Variants in ADGRL3 observed in about 807,000 individuals in gnomAD.
ADGRL3 encodes the protein calcium-independent alpha-latrotoxin receptor 3.
In ADGRL3, 62 loss-of-function variants were observed where a neutral mutation model predicts 153.5. The observed-to-expected ratio is 0.40, with a 90% confidence interval of 0.33 to 0.50. The LOEUF (loss-of-function observed/expected upper bound fraction) is 0.50. ADGRL3 is among the 20% of genes least tolerant of loss of function. ADGRL3 has a pLI of 0.47. For missense variants in ADGRL3, 1,641 were observed against 1,859.4 expected, an observed-to-expected ratio of 0.88 and a Z score of 2.16; for synonymous variants, 710 against 672.5, an observed-to-expected ratio of 1.06 and a Z score of -0.86.
At chr4:61,935,777 A>G in intron 14 of ADGRL3, 146 bp from the exon 15 acceptor site, 1 of 743,816 alleles carries the variant, frequency 1.3e-6, no homozygotes, top group Admixed American at 3.6e-5. Flanking sequence ...TACTAACAAT[A>G]TATTTTCTTA....
At chr4:61,294,272 A>G (rs902496730) in intron 1 of ADGRL3, among the ~76,000 whole-genome samples, 3 of 152,244 alleles carry the variant, frequency 2.0e-5, no homozygotes, top group Admixed American at 6.5e-5. Flanking sequence ...CCATAGCACA[A>G]TTCCGTTTTT....
At chr4:61,216,307 T>C (rs1387366509) in intron 1 of ADGRL3, among the ~76,000 whole-genome samples, 1 of 152,158 alleles carries the variant, frequency 6.6e-6, no homozygotes. Flanking sequence ...TTATTAAGGA[T>C]AGTAATACGT....
intron 9 of ADGRL3, among the ~76,000 whole-genome samples, chr4:61,818,518 G>A (rs1210300988): frequency 6.6e-6 from 1 of 152,208 alleles, no homozygotes; most frequent in East Asian, 1.9e-4. Context: ...AAACAGGGCT[G>A]AAGGGGGATG....
At chr4:62,028,189 A>G (rs1261977217) in intron 21 of ADGRL3, among the ~76,000 whole-genome samples, 1 of 151,906 alleles carries the variant, frequency 6.6e-6, no homozygotes. Context: ...ATTGAGTATT[A>G]GGATCTTATT....
intron 2 of ADGRL3, among the ~76,000 whole-genome samples, chr4:61,383,541 C>A (rs1343453659): frequency 6.6e-6 from 1 of 151,642 alleles, no homozygotes; most frequent in Non-Finnish European, 1.5e-5. Flanking sequence ...ACTTTCTTAA[C>A]TAATGTAGAA....
intron 5 of ADGRL3, among the ~76,000 whole-genome samples, chr4:61,668,003 C>T (rs926699291): frequency 1.1e-4 from 17 of 152,130 alleles, no homozygotes; most frequent in African/African-American, 4.1e-4. Context: ...ATGACCCCCA[C>T]CCCACCCTGA....
At chr4:61,472,930 C>T (rs1159998248) in intron 2 of ADGRL3, among the ~76,000 whole-genome samples, 1 of 151,904 alleles carries the variant, frequency 6.6e-6, no homozygotes, top group Non-Finnish European at 1.5e-5. Flanking sequence ...TTCTTTTGTC[C>T]CTTGTATCTG....
Position 61,947,108 on chromosome 4 carries a change from G to A in ADGRL3, c.2614G>A (p.Val872Ile). The A allele has an allele frequency of 6.2e-7, 1 of 1,613,342 alleles. No homozygotes were observed. Among genetic ancestry groups the A allele is most frequent in the Non-Finnish European group, 8.5e-7 (1 of 1,179,422 alleles). Residue 872 changes from valine to isoleucine, a missense_variant, in exon 16 of 27, where the codon GTT becomes ATT. Transcript: ENST00000683033. ...TTTGGCTGATCCTGTGGTATTTACTGTTAAACATATCAAGGTAAGAAAATG... is the reference window on the plus strand; with the variant it reads ...TTTGGCTGATCCTGTGGTATTTACTATTAAACATATCAAGGTAAGAAAATG... Reference protein sequence around the residue: ...VYLADPVVFTVKHIKQSEENF... With the variant: ...VYLADPVVFTIKHIKQSEENF...
intron 8 of ADGRL3, among the ~76,000 whole-genome samples, chr4:61,791,452 G>A (rs1351008618): frequency 3.3e-5 from 5 of 152,162 alleles, no homozygotes; most frequent in African/African-American, 1.2e-4. Flanking sequence ...ATGGTCTTGG[G>A]CAGCTCTACC....
At chr4:61,839,054 T>C (rs1034109183) in intron 9 of ADGRL3, among the ~76,000 whole-genome samples, 7 of 152,088 alleles carry the variant, frequency 4.6e-5, no homozygotes, top group African/African-American at 1.2e-4. Flanking sequence ...AGCAAGGAAA[T>C]GGGGAAGGAA....
Position 61,200,520 on chromosome 4 carries a change from C to CGCG in ADGRL3, c.-1483_-1482insGGC, listed in dbSNP as rs1734310638. Among the ~76,000 whole-genome samples the CGCG allele has an allele frequency of 6.6e-6, 1 of 151,718 alleles. No homozygotes were observed. The highest frequency in any genetic ancestry group is 2.1e-4 in the South Asian group (1 of 4,810). ...GGGTGGGCGCCGCCGCCGCCGCCGC[C>CGCG]GCCGCTGCTGCTGGTTTTTCTCGGA... On this transcript the variant is annotated 5_prime_UTR_variant, in exon 1 of 27. Coordinates refer to ENST00000683033, the MANE Select transcript of ADGRL3 (RefSeq NM_001387552.1).
chr4:62,069,999 A>G (rs1171521796), intron 26 of ADGRL3, 110 bp from the exon 27 acceptor site: 5 of 858,892 alleles, frequency 5.8e-6, no homozygotes, highest in South Asian at 1.7e-5. Context: ...AGTAAATGCT[A>G]GCAATTTATA....
At chr4:61,935,286 G>GT (rs1560398513) in intron 14 of ADGRL3, among the ~76,000 whole-genome samples, 1 of 151,984 alleles carries the variant, frequency 6.6e-6, no homozygotes, top group African/African-American at 2.4e-5. Flanking sequence ...AGTGAGGTTC[G>GT]TTTTTTTAAA....
At chr4:61,305,185 T>G (rs1447874666) in intron 1 of ADGRL3, among the ~76,000 whole-genome samples, 1 of 152,102 alleles carries the variant, frequency 6.6e-6, no homozygotes, top group East Asian at 1.9e-4. Context: ...TTTTTTTTTT[T>G]TAACTATTTT....
At chr4:61,908,102 C>T (rs948425692) in intron 11 of ADGRL3, among the ~76,000 whole-genome samples, 1 of 151,826 alleles carries the variant, frequency 6.6e-6, no homozygotes, top group African/African-American at 2.4e-5. Flanking sequence ...CCAGGAGCCC[C>T]ATCTCTACAA....
intron 9 of ADGRL3, among the ~76,000 whole-genome samples, chr4:61,868,718 T>C (rs913328861): frequency 1.3e-5 from 2 of 152,192 alleles, no homozygotes; most frequent in African/African-American, 2.4e-5. Context: ...ACAGAAGCTT[T>C]AATATCTAAT....
At chr4:61,216,718 C>T (rs6834742) in intron 1 of ADGRL3, among the ~76,000 whole-genome samples, 43,929 of 151,900 alleles carry the variant, frequency 0.29, 6,512 homozygotes, top group South Asian at 0.38. Context: ...AAGTAGAGGG[C>T]AAAGGAGTCG....
intron 8 of ADGRL3, among the ~76,000 whole-genome samples, chr4:61,758,875 G>C (rs996079604): frequency 6.6e-6 from 1 of 152,148 alleles, no homozygotes; most frequent in Non-Finnish European, 1.5e-5. Flanking sequence ...GGCAGGCCTG[G>C]TGGTGACAGA....
At chr4:61,936,131 T>C in intron 15 of ADGRL3, 86 bp downstream of exon 15, 2 of 1,451,998 alleles carry the variant, frequency 1.4e-6, no homozygotes, top group Admixed American at 4.0e-5. Context: ...AGGTCCACTA[T>C]TTAGGAGCTT....
Sources: gnomAD v4.1 joint callset for allele counts (sites outside exome capture counted in the v4.1 genomes callset) on GRCh38, gnomAD v4.1.1 for gene constraint, MANE v1.5 for transcripts, NCBI Gene and HGNC (gene_info 2026-07-23, HGNC 2026-07-21) for gene names.